RIC3: variants seen among roughly 807,000 people sequenced by gnomAD.
The protein encoded by RIC3 is RIC3 acetylcholine receptor chaperone.
RIC3 carries 28 observed loss-of-function variants against 27.3 expected under a neutral mutation model. The ratio of observed to expected loss-of-function variants is 1.02; its 90% CI spans 0.76 to 1.41. RIC3 has a LOEUF of 1.41. Among genes scored for constraint, RIC3 ranks in the 40% most tolerant of loss-of-function variants. The pLI is 0.00. For missense variants in RIC3, 501 were observed against 444.7 expected (o/e 1.13, Z -1.14); for synonymous variants, 184 against 160.4 (o/e 1.15, Z -1.11).
At chr11:8,098,704 C>T in the RIC3 span, 1 of 1,373,980 alleles carries the variant, frequency 7.3e-7, no homozygotes, top group Non-Finnish European at 1.0e-6. Context: ...TGAGCTGTTC[C>T]CTGCTCTGGG....
At chr11:8,102,382 C>T (rs953863381), downstream of RIC3, 2 of 152,238 alleles carry the variant, frequency 1.3e-5, no homozygotes, top group Non-Finnish European at 2.9e-5. Flanking sequence ...GACACAGGCT[C>T]AGCATGCAGA....
chr11:8,104,962 G>T (rs1375640366), downstream of RIC3: 1 of 139,442 alleles, frequency 7.2e-6, no homozygotes, highest in Non-Finnish European at 1.5e-5. Flanking sequence ...TCTGAAAATA[G>T]CAGGACATTT....
chr11:8,135,441 G>T (rs1010254195), intron 4 of RIC3: 2 of 152,178 alleles, frequency 1.3e-5, no homozygotes, highest in African/African-American at 4.8e-5. Context: ...TGTTCTTTTG[G>T]CTTAGGACTG....
downstream of RIC3, chr11:8,105,099 C>T (rs189649541): frequency 4.9e-4 from 74 of 152,286 alleles, no homozygotes; most frequent in African/African-American, 1.7e-3. Flanking sequence ...GCTGGGATAG[C>T]CATTTCCATG....
intron 1 of RIC3, among the ~76,000 whole-genome samples, chr11:8,164,173 C>G (rs1239340264): frequency 6.6e-6 from 1 of 152,120 alleles, no homozygotes; most frequent in East Asian, 1.9e-4. Flanking sequence ...TACCCATATA[C>G]ACAAATTAAT....
intron 1 of RIC3, among the ~76,000 whole-genome samples, chr11:8,146,523 G>C (rs529675486): frequency 1.3e-5 from 2 of 152,306 alleles, no homozygotes; most frequent in East Asian, 3.9e-4. Context: ...AGTTGTCGAT[G>C]AAGAGTCAAA....
intron 1 of RIC3, among the ~76,000 whole-genome samples, chr11:8,142,488 A>G (rs1460041255): frequency 6.7e-6 from 1 of 150,118 alleles, no homozygotes; most frequent in Non-Finnish European, 1.5e-5. Context: ...AAGAAGTTGA[A>G]TCTCTGAATA....
intron 4 of RIC3, among the ~76,000 whole-genome samples, chr11:8,134,470 CT>C (rs1182467652): frequency 6.6e-6 from 1 of 152,174 alleles, no homozygotes; most frequent in Non-Finnish European, 1.5e-5. Context: ...GTGCATGTGT[CT>C]TTATAGCAGC....
intron 1 of RIC3, among the ~76,000 whole-genome samples, chr11:8,145,974 A>C (rs147334492): frequency 6.6e-6 from 1 of 152,218 alleles, no homozygotes; most frequent in African/African-American, 2.4e-5. Context: ...ATCTGGCTGT[A>C]CTTCGTGATA....
At position 8,140,220 on chromosome 11, in the gene RIC3, C is replaced by G. The variant is rs779679335; in HGVS notation, c.125-27G>C. ...TGAGAAAATAATAATCACTTTTTATCTCTTCTACTATTTTAAAGATGGCTA... is the reference window on the plus strand; with the variant it reads ...TGAGAAAATAATAATCACTTTTTATGTCTTCTACTATTTTAAAGATGGCTA... On this transcript the variant is annotated intron_variant, in intron 1 of 5. Coordinates refer to ENST00000309737, the MANE Select transcript of RIC3 (RefSeq NM_001206671.4). 4.4e-6 allele frequency: 7 copies of G among 1,592,028 alleles called. No individual in the cohort carries two copies. The Admixed American group carries it at 5.2e-5, about 12-fold the overall frequency.
At chr11:8,155,533 G>A (rs376939607) in intron 1 of RIC3, among the ~76,000 whole-genome samples, 27 of 152,092 alleles carry the variant, frequency 1.8e-4, no homozygotes, top group East Asian at 7.7e-4. Context: ...CCAAAATCGC[G>A]CCACTGCACT....
chr11:8,151,559 C>G (rs1950225413), intron 1 of RIC3, among the ~76,000 whole-genome samples: 1 of 118,854 alleles, frequency 8.4e-6, no homozygotes. Context: ...GCACTCCAGC[C>G]TGGGCGACAG....
intron 1 of RIC3, among the ~76,000 whole-genome samples, chr11:8,168,520 T>C (rs904273770): frequency 1.3e-5 from 2 of 152,158 alleles, no homozygotes; most frequent in African/African-American, 4.8e-5. Context: ...CTGGGAACCC[T>C]TGACTCAAAG....
chr11:8,102,932 C>T (rs945751001), downstream of RIC3: 1 of 152,186 alleles, frequency 6.6e-6, no homozygotes, highest in African/African-American at 2.4e-5. Context: ...ATTCTGCATG[C>T]CCTCCCCACT....
Position 8,140,138 on chromosome 11 carries a change from G to C in RIC3, c.180C>G (p.Gly60=). Residue 60 remains glycine (G), a synonymous_variant, in exon 2 of 6, where the codon GGC becomes GGG. Transcript: ENST00000309737. ...TCTGGAAACGAGCCCCAGGAGTCTG[G>C]CCATCTGAGGGTGCCTGGTGATGAT... The part of the protein sequence containing the change: ...MMHHHQAPSD[G]QTPGARFQRS... 1 of 1,614,074 alleles carries C rather than the reference G, an allele frequency of 6.2e-7. No individual in the cohort carries two copies. The highest frequency in any genetic ancestry group is 8.5e-7 in the Non-Finnish European group (1 of 1,180,014).
intron 1 of RIC3, among the ~76,000 whole-genome samples, chr11:8,148,839 T>C (rs886255920): frequency 6.6e-6 from 1 of 151,978 alleles, no homozygotes; most frequent in African/African-American, 2.4e-5. Context: ...TTTTACTAGA[T>C]AAACTAAATA....
At chr11:8,126,544 G>A in intron 5 of RIC3, 115 bp downstream of exon 5, 1 of 1,193,778 alleles carries the variant, frequency 8.4e-7, no homozygotes, top group Non-Finnish European at 1.2e-6. Context: ...ATTTAAAACT[G>A]GTTAATATTA....
intron 4 of RIC3, among the ~76,000 whole-genome samples, chr11:8,133,263 C>T (rs1380759167): frequency 6.6e-6 from 1 of 152,170 alleles, no homozygotes; most frequent in East Asian, 1.9e-4. Flanking sequence ...ACTTCACAGC[C>T]TCCAGAACTG....
At chr11:8,128,604 G>A (rs77557771) in intron 4 of RIC3, among the ~76,000 whole-genome samples, 4,991 of 152,076 alleles carry the variant, frequency 0.033, 272 homozygotes, top group African/African-American at 0.11. Context: ...GTTGACAACA[G>A]TATAGACACA....
Sources: allele counts gnomAD v4.1 joint callset (sites outside exome capture counted in the v4.1 genomes callset), GRCh38; gene constraint gnomAD v4.1.1; transcripts MANE v1.5; gene names NCBI Gene and HGNC (gene_info 2026-07-23, HGNC 2026-07-21).